Variants in SNX12 observed in about 807,000 individuals in gnomAD.
The protein encoded by SNX12 is sorting nexin 12.
For synonymous variants in SNX12, 47 were observed against 56.0 expected (o/e 0.84, Z 0.71); for missense variants, 62 against 141.3 (o/e 0.44, Z 2.84).
intron 3 of SNX12, among the ~76,000 whole-genome samples, chrX:71,061,471 G>A (rs763326052): frequency 8.9e-6 from 1 of 112,447 alleles, no homozygotes; most frequent in Admixed American, 9.4e-5. Context: ...GGTGGCTCAC[G>A]CCTGTAATCC....
chrX:71,069,276 C>T (rs992424517), upstream of SNX12, among the ~76,000 whole-genome samples: 9 of 112,084 alleles, frequency 8.0e-5, no homozygotes, highest in Admixed American at 1.9e-4. Context: ...TCCCATATCA[C>T]TGATGCCTGA....
intron 2 of SNX12, among the ~76,000 whole-genome samples, chrX:71,062,525 AC>A (rs200454561): frequency 0.041 from 4,505 of 109,923 alleles, 111 homozygotes; most frequent in East Asian, 0.16. Flanking sequence ...GGCATCCACC[AC>A]CACACCTGGC....
At chrX:71,062,665 GC>G (rs2092136539) in intron 2 of SNX12, among the ~76,000 whole-genome samples, 188 bp downstream of exon 2, 1 of 111,965 alleles carries the variant, frequency 8.9e-6, no homozygotes, top group African/African-American at 3.2e-5. Context: ...GAGCCACTGT[GC>G]CCAGCCAGAA....
intron 1 of SNX12, among the ~76,000 whole-genome samples, 155 bp downstream of exon 1, chrX:71,067,987 G>A (rs937835695): frequency 2.7e-5 from 3 of 109,989 alleles, no homozygotes; most frequent in African/African-American, 9.9e-5. Context: ...CAACTGAATC[G>A]GCAGACCTCG....
upstream of SNX12, among the ~76,000 whole-genome samples, chrX:71,071,739 T>G (rs190924008): frequency 0.037 from 2,877 of 77,634 alleles, 153 homozygotes; most frequent in African/African-American, 0.13. Context: ...AATATATATT[T>G]ATATATATAA....
In SNX12 at chrX:71,060,792, C is replaced by CCA; in HGVS notation, c.*223_*224insTG. ...AATCCCCCCACCCACCCACCCCAAC[C>CCA]CCAAGCAAAGGGCATCTGCCTGTGG... On this transcript the variant is annotated 3_prime_UTR_variant, in exon 4 of 4. Coordinates refer to ENST00000374274, the MANE Select transcript of SNX12 (RefSeq NM_013346.4). The CCA allele has an allele frequency of 9.8e-6, 1 of 102,301 alleles. No individual in the cohort carries two copies. Among genetic ancestry groups the CCA allele is most frequent in the African/African-American group, 3.9e-5 (1 of 25,814 alleles). 8.4% of individuals were successfully genotyped at this position (102,301 alleles called of 1,213,427 possible). A position where few individuals can be genotyped will look rare whatever the true frequency, so the allele number is the denominator to read the frequency against.
intron 1 of SNX12, among the ~76,000 whole-genome samples, chrX:71,067,424 T>A (rs1336901534): frequency 8.9e-6 from 1 of 112,208 alleles, no homozygotes; most frequent in African/African-American, 3.2e-5. Context: ...AGGATCCACA[T>A]AGAATGAAAG....
intron 1 of SNX12, among the ~76,000 whole-genome samples, chrX:71,063,496 C>CAA (rs764741794): frequency 1.6e-5 from 1 of 61,845 alleles, no homozygotes. Flanking sequence ...GATTCTGTCT[C>CAA]AAAAAAAAAA....
chrX:71,068,506 C>G, upstream of SNX12: 2 of 304,516 alleles, frequency 6.6e-6, no homozygotes, highest in Admixed American at 6.3e-5. Context: ...CTGACTGCTG[C>G]GCGCCCTGTA....
At chrX:71,069,968 AAGAGAGAG>A (rs57691567), upstream of SNX12, among the ~76,000 whole-genome samples, 2 of 96,277 alleles carry the variant, frequency 2.1e-5, no homozygotes, top group African/African-American at 3.6e-5. Context: ...AGGAAAAGAA[AAGAGAGAG>A]AGAGAGAGAG....
At chrX:71,063,021 T>C (rs985972511) in intron 1 of SNX12, 72 bp from the exon 2 acceptor site, 6 of 650,147 alleles carry the variant, frequency 9.2e-6, no homozygotes, top group Admixed American at 7.9e-5. Flanking sequence ...TCTGAGTAAC[T>C]TGGACAGGTC....
At chrX:71,061,183 G>C (rs1004712065) in intron 3 of SNX12, 65 bp from the exon 4 acceptor site, 1 of 951,583 alleles carries the variant, frequency 1.1e-6, no homozygotes, top group African/African-American at 1.9e-5. Flanking sequence ...AGAGGGATGG[G>C]GATGTGGACA....
At chrX:71,073,073 C>CACACAA (rs1556316155), upstream of SNX12, among the ~76,000 whole-genome samples, 2 of 101,064 alleles carry the variant, frequency 2.0e-5, no homozygotes, top group Admixed American at 2.1e-4. Flanking sequence ...CACACACACA[C>CACACAA]AAAGAGTAGC....
upstream of SNX12, among the ~76,000 whole-genome samples, chrX:71,072,906 T>TAC (rs59544159): frequency 0.06 from 6,045 of 101,350 alleles, 184 homozygotes; most frequent in African/African-American, 0.1. Flanking sequence ...CTGGCTTCCA[T>TAC]ACACACACAC....
At chrX:71,064,135 G>A (rs1486064955) in intron 1 of SNX12, among the ~76,000 whole-genome samples, 1 of 111,630 alleles carries the variant, frequency 9.0e-6, no homozygotes, top group Non-Finnish European at 1.9e-5. Context: ...TGTACAATTT[G>A]AATTTATCAT....
At chrX:71,068,089 C>T (rs1047858928) in intron 1 of SNX12, 53 bp downstream of exon 1, 44 of 1,090,118 alleles carry the variant, frequency 4.0e-5, no homozygotes, top group Admixed American at 2.1e-4. Context: ...CTCCCCCCTC[C>T]CGCTCGCGCC....
intron 3 of SNX12, among the ~76,000 whole-genome samples, chrX:71,061,582 A>C (rs2092131461): frequency 9.0e-6 from 1 of 111,129 alleles, no homozygotes; most frequent in Non-Finnish European, 1.9e-5. Flanking sequence ...AAAACATGAA[A>C]ATTAGCTGGG....
chrX:71,071,559 TA>T (rs1362607426), upstream of SNX12, among the ~76,000 whole-genome samples: 3 of 59,537 alleles, frequency 5.0e-5, no homozygotes, highest in South Asian at 6.5e-4. Flanking sequence ...TATAAATATA[TA>T]ATATTTATAT....
At chrX:71,068,379 C>T, upstream of SNX12, 1 of 927,150 alleles carries the variant, frequency 1.1e-6, no homozygotes, top group Admixed American at 3.7e-5. Context: ...CGCGCACGGC[C>T]CCTCCCGCTT....
Sources: allele counts gnomAD v4.1 joint callset (sites outside exome capture counted in the v4.1 genomes callset), GRCh38; gene constraint gnomAD v4.1.1; transcripts MANE v1.5; gene names NCBI Gene and HGNC (gene_info 2026-07-23, HGNC 2026-07-21).